The following ANXA8 variants were observed in gnomAD, a reference collection of about 807,000 sequenced individuals.
ANXA8 encodes VAC-beta.
A neutral mutation model predicts 26.8 loss-of-function variants in ANXA8; 9 were observed. The observed-to-expected ratio is 0.34, with a 90% confidence interval of 0.20 to 0.59. The LOEUF (loss-of-function observed/expected upper bound fraction) is 0.59, where lower values mean the gene tolerates loss of function less well. Ranked by LOEUF, ANXA8 falls within the 20% of genes least tolerant of loss-of-function variation. ANXA8 has a pLI of 0.84. For missense variants in ANXA8, 83 were observed against 238.5 expected (o/e 0.35, Z 4.29); for synonymous variants, 39 against 94.8 (o/e 0.41, Z 3.42).
chr10:47,959,329 A>C, the ANXA8 span, among the ~76,000 whole-genome samples: 11 of 147,568 alleles, frequency 7.5e-5, no homozygotes, highest in Non-Finnish European at 1.6e-4. Flanking sequence ...CTTTGAGAAA[A>C]GGAATCCTCT....
chr10:47,946,013 A>AT, the ANXA8 span, among the ~76,000 whole-genome samples: 8 of 139,490 alleles, frequency 5.7e-5, no homozygotes, highest in Admixed American at 3.6e-4. Flanking sequence ...TGGCTAACAC[A>AT]TTTTTTTTAG....
chr10:47,570,730 G>C, the ANXA8 span, among the ~76,000 whole-genome samples: 1 of 150,808 alleles, frequency 6.6e-6, no homozygotes, highest in Non-Finnish European at 1.5e-5. Context: ...CTGTGATCAT[G>C]CCACTGCACT....
chr10:47,558,019 T>G, the ANXA8 span, among the ~76,000 whole-genome samples: 1 of 151,930 alleles, frequency 6.6e-6, no homozygotes, highest in Non-Finnish European at 1.5e-5. Flanking sequence ...CTAAGGAATA[T>G]CTGTGGTAAT....
At chr10:47,762,978 A>G in the ANXA8 span, 5 of 1,281,410 alleles carry the variant, frequency 3.9e-6, no homozygotes, top group Non-Finnish European at 4.0e-6. Context: ...GGCTTGGGGC[A>G]GGGTGCGGTG....
chr10:47,724,445 C>T, the ANXA8 span, among the ~76,000 whole-genome samples: 1 of 141,476 alleles, frequency 7.1e-6, no homozygotes, highest in African/African-American at 2.6e-5. Context: ...AGCACTCTAG[C>T]CACGTGGCCT....
At chr10:47,599,562 G>A in the ANXA8 span, 4 of 144,848 alleles carry the variant, frequency 2.8e-5, no homozygotes, top group Non-Finnish European at 5.9e-5. Flanking sequence ...GTCACCAAGA[G>A]TACAAAAATT....
At chr10:47,646,029 C>A in the ANXA8 span, among the ~76,000 whole-genome samples, 1 of 149,122 alleles carries the variant, frequency 6.7e-6, no homozygotes, top group African/African-American at 2.6e-5. Context: ...GAATTATCTT[C>A]TTCTAGCTAT....
At chr10:47,763,684 CG>C in the ANXA8 span, 1 of 171,318 alleles carries the variant, frequency 5.8e-6, no homozygotes, top group African/African-American at 2.4e-5. Flanking sequence ...GGTCACCCCT[CG>C]GCGCGCCCTG....
the ANXA8 span, among the ~76,000 whole-genome samples, chr10:47,973,918 T>G: frequency 2.0e-5 from 3 of 151,148 alleles, no homozygotes; most frequent in Admixed American, 2.0e-4. Context: ...TTGTCGTTGG[T>G]AGGTTTTTTA....
chr10:47,521,433 A>G, the ANXA8 span, among the ~76,000 whole-genome samples: 2 of 140,148 alleles, frequency 1.4e-5, no homozygotes. Context: ...CTTCCAAGTT[A>G]CAAAGTCACA....
At chr10:47,717,418 TAAATA>T in the ANXA8 span, among the ~76,000 whole-genome samples, 43 of 78,114 alleles carry the variant, frequency 5.5e-4, no homozygotes, top group African/African-American at 2.6e-3. Flanking sequence ...ATTTTATAGT[TAAATA>T]AAAGGAGAAA....
At chr10:47,514,377 ATATCATGTTCTC>A in the ANXA8 span, among the ~76,000 whole-genome samples, 1 of 147,582 alleles carries the variant, frequency 6.8e-6, no homozygotes, top group Admixed American at 6.7e-5. Flanking sequence ...GGAAAACCAA[ATATCATGTTCTC>A]TTTCCTACGT....
the ANXA8 span, among the ~76,000 whole-genome samples, chr10:47,626,037 C>T: frequency 2.7e-5 from 4 of 150,376 alleles, no homozygotes; most frequent in Non-Finnish European, 4.4e-5. Flanking sequence ...CGTGTTGTTG[C>T]AGAAGATTTC....
chr10:47,743,901 A>T, the ANXA8 span, among the ~76,000 whole-genome samples: 3 of 139,078 alleles, frequency 2.2e-5, 1 homozygote, highest in Admixed American at 2.2e-4. Flanking sequence ...GTCAGTCAGC[A>T]CCCTGATGCC....
At chr10:47,655,484 A>G in the ANXA8 span, among the ~76,000 whole-genome samples, 1 of 150,988 alleles carries the variant, frequency 6.6e-6, no homozygotes, top group Admixed American at 6.6e-5. Flanking sequence ...ATATTTCAGT[A>G]GCGAGAGTGT....
At chr10:47,493,427 C>A in the ANXA8 span, among the ~76,000 whole-genome samples, 1 of 149,368 alleles carries the variant, frequency 6.7e-6, no homozygotes, top group African/African-American at 2.5e-5. Flanking sequence ...CTCAGGGATT[C>A]TCCCTGGACC....
chr10:47,957,851 C>T, the ANXA8 span, among the ~76,000 whole-genome samples: 2 of 149,114 alleles, frequency 1.3e-5, no homozygotes, highest in African/African-American at 2.5e-5. Flanking sequence ...GGACTGAGTA[C>T]TCAAACTTAT....
At chr10:47,661,232 C>A in the ANXA8 span, among the ~76,000 whole-genome samples, 2 of 100,030 alleles carry the variant, frequency 2.0e-5, no homozygotes, top group Non-Finnish European at 1.9e-5. Context: ...ACACCCAACA[C>A]TATATAAAAT....
At chr10:47,589,885 AG>A in the ANXA8 span, among the ~76,000 whole-genome samples, 1 of 137,028 alleles carries the variant, frequency 7.3e-6, no homozygotes, top group Non-Finnish European at 1.5e-5. Context: ...CTTAAAGGGA[AG>A]GGGAAAGATA....
Sources: allele counts gnomAD v4.1 joint callset (sites outside exome capture counted in the v4.1 genomes callset), GRCh38; gene constraint gnomAD v4.1.1; transcripts MANE v1.5; gene names NCBI Gene and HGNC (gene_info 2026-07-23, HGNC 2026-07-21).